The following TLK2 variants were observed in gnomAD, a reference collection of about 807,000 sequenced individuals.
The protein encoded by TLK2 is serine/threonine-protein kinase tousled-like 2.
In TLK2, 6 loss-of-function variants were observed where a neutral mutation model predicts 117.3. That is an observed-to-expected ratio of 0.05 (90% CI 0.03 to 0.10). TLK2 has a LOEUF of 0.10. TLK2 is among the 10% of genes least tolerant of loss of function. The pLI, the probability that TLK2 is intolerant of heterozygous loss-of-function variation, is 1.00. For synonymous variants in TLK2, 257 were observed against 316.7 expected, an observed-to-expected ratio of 0.81 and a Z score of 2.00; for missense variants, 299 against 901.2, an observed-to-expected ratio of 0.33 and a Z score of 8.56.
intron 16 of TLK2, among the ~76,000 whole-genome samples, chr17:62,591,377 G>A (rs1323921783): frequency 5.9e-5 from 9 of 151,470 alleles, no homozygotes; most frequent in Non-Finnish European, 8.8e-5. Context: ...AAAAACCAGC[G>A]TGGAGCTACT....
chr17:62,572,118 T>C (rs950012553), intron 11 of TLK2, among the ~76,000 whole-genome samples: 4 of 148,064 alleles, frequency 2.7e-5, no homozygotes, highest in African/African-American at 1.0e-4. Flanking sequence ...TGCAGTGAGC[T>C]GAGAGCTGAG....
intron 12 of TLK2, among the ~76,000 whole-genome samples, chr17:62,574,794 G>A (rs1011173894): frequency 2.0e-5 from 3 of 152,112 alleles, no homozygotes; most frequent in Non-Finnish European, 4.4e-5. Flanking sequence ...GGGATTACAG[G>A]TGCGAGCTAC....
chr17:62,477,794 C>T (rs922404030), upstream of TLK2: 3 of 152,304 alleles, frequency 2.0e-5, no homozygotes, highest in African/African-American at 7.2e-5. Context: ...GTGCCCTCTG[C>T]TATGCAGGAA....
intron 15 of TLK2, among the ~76,000 whole-genome samples, chr17:62,581,832 G>A (rs1010634898): frequency 6.6e-6 from 1 of 152,134 alleles, no homozygotes; most frequent in Non-Finnish European, 1.5e-5. Flanking sequence ...AAAATTTGAT[G>A]TCATAATTAT....
intron 7 of TLK2, among the ~76,000 whole-genome samples, chr17:62,538,326 C>T (rs1199413065): frequency 1.3e-5 from 2 of 152,130 alleles, no homozygotes; most frequent in African/African-American, 4.8e-5. Context: ...TGAGCCACCG[C>T]GCCTGGCCTT....
Position 62,525,334 on chromosome 17 carries a change from A to G in TLK2, c.363+1003A>G, listed in dbSNP as rs570190209. Among the ~76,000 whole-genome samples the G allele has an allele frequency of 1.9e-4, 29 of 152,320 alleles. No individual in the cohort carries two copies. The East Asian group carries it at 4.8e-3, about 25-fold the overall frequency. On this transcript the variant is annotated intron_variant, in intron 6 of 21. Coordinates refer to ENST00000346027, the MANE Select transcript of TLK2 (RefSeq NM_006852.6). ...CTTTCTCCCCCTCTACTGTCTCATA[A>G]AAACCTTCATTAGGATTATTGTAAT...
intron 15 of TLK2, among the ~76,000 whole-genome samples, chr17:62,585,192 T>C (rs1321168401): frequency 1.3e-5 from 2 of 152,342 alleles, no homozygotes; most frequent in African/African-American, 4.8e-5. Flanking sequence ...TTCCTGCCTC[T>C]GGACAGTGCT....
chr17:62,482,798 A>G (rs918406779), intron 2 of TLK2, among the ~76,000 whole-genome samples: 11 of 152,190 alleles, frequency 7.2e-5, no homozygotes, highest in Non-Finnish European at 1.3e-4. Flanking sequence ...CACCTGCTGT[A>G]TGCTAGGCAT....
Position 62,604,619 on chromosome 17 carries a change from A to G in TLK2, c.1860-1511A>G, listed in dbSNP as rs114965112. Among the ~76,000 whole-genome samples the G allele has an allele frequency of 3.4e-3, 525 of 152,244 alleles. 6 individuals are homozygous for G. The highest frequency in any genetic ancestry group is 0.012 in the African/African-American group (509 of 41,540). On this transcript the variant is annotated intron_variant, in intron 19 of 21. Transcript: ENST00000346027. ...AGTGACAGGTCTTTTTATATTCTAA[A>G]AATCTTGCTAGCCAGGTGTGGTGGC...
chr17:62,532,471 A>G (rs1056748060), intron 6 of TLK2, among the ~76,000 whole-genome samples: 2 of 152,234 alleles, frequency 1.3e-5, no homozygotes, highest in African/African-American at 4.8e-5. Context: ...GACTCTACTC[A>G]TAGATTCAAA....
chr17:62,552,152 C>T (rs1472123023), intron 7 of TLK2, 150 bp from the exon 8 acceptor site: 2 of 886,862 alleles, frequency 2.3e-6, no homozygotes, highest in Non-Finnish European at 3.5e-6. Context: ...GTTTTACTTT[C>T]TTCTTGGCCA....
intron 7 of TLK2, among the ~76,000 whole-genome samples, chr17:62,542,378 A>T (rs550659127): frequency 6.6e-6 from 1 of 152,250 alleles, no homozygotes; most frequent in East Asian, 1.9e-4. Flanking sequence ...AAGTGTGGGG[A>T]TTAGAGGCTT....
intron 2 of TLK2, among the ~76,000 whole-genome samples, chr17:62,502,214 T>G (rs879884386): frequency 3.2e-4 from 48 of 151,992 alleles, no homozygotes; most frequent in Admixed American, 1.1e-3. Context: ...CATAACTAAT[T>G]GGATTATCCC....
At chr17:62,566,600 T>C (rs977559861) in intron 11 of TLK2, among the ~76,000 whole-genome samples, 1 of 152,222 alleles carries the variant, frequency 6.6e-6, no homozygotes, top group African/African-American at 2.4e-5. Context: ...CTCTGTGCTC[T>C]TAAGCATAGG....
chr17:62,540,111 T>G (rs553691686), intron 7 of TLK2, among the ~76,000 whole-genome samples: 1 of 148,186 alleles, frequency 6.7e-6, no homozygotes, highest in East Asian at 2.0e-4. Flanking sequence ...TTTTTTTTTT[T>G]TTTTTTAATA....
chr17:62,590,725 C>T (rs1055016488), intron 16 of TLK2, among the ~76,000 whole-genome samples: 2 of 152,156 alleles, frequency 1.3e-5, no homozygotes, highest in Non-Finnish European at 2.9e-5. Context: ...GCAATCTTCC[C>T]ACTTCAGCCC....
intron 12 of TLK2, 26 bp from the exon 13 acceptor site, chr17:62,576,683 C>G: frequency 6.3e-7 from 1 of 1,583,296 alleles, no homozygotes; most frequent in South Asian, 1.1e-5. Flanking sequence ...TAGTAGTTTA[C>G]TGAAACTTTT....
At chr17:62,498,058 T>G (rs2073866822) in intron 2 of TLK2, among the ~76,000 whole-genome samples, 1 of 152,212 alleles carries the variant, frequency 6.6e-6, no homozygotes, top group East Asian at 1.9e-4. Flanking sequence ...CATTATTACC[T>G]CTTGGACTTA....
chr17:62,535,438 A>G (rs2077045633), intron 6 of TLK2, among the ~76,000 whole-genome samples: 1 of 152,122 alleles, frequency 6.6e-6, no homozygotes, highest in East Asian at 1.9e-4. Flanking sequence ...GTACAGCAAG[A>G]ACAGAATTGA....
Sources: gnomAD v4.1 joint callset for allele counts (sites outside exome capture counted in the v4.1 genomes callset) on GRCh38, gnomAD v4.1.1 for gene constraint, MANE v1.5 for transcripts, NCBI Gene and HGNC (gene_info 2026-07-23, HGNC 2026-07-21) for gene names.